The following MGLL variants were observed in gnomAD, a reference collection of about 807,000 sequenced individuals.
MGLL encodes monoglyceride lipase.
A neutral mutation model predicts 29.1 loss-of-function variants in MGLL; 7 were observed. That is an observed-to-expected ratio of 0.24 (90% CI 0.14 to 0.45). MGLL has a LOEUF of 0.45. Among genes scored for constraint, MGLL ranks in the 20% least tolerant of loss-of-function variants. MGLL has a pLI of 0.99. For missense variants in MGLL, 356 were observed against 413.6 expected, an observed-to-expected ratio of 0.86 and a Z score of 1.21; for synonymous variants, 148 against 168.3, an observed-to-expected ratio of 0.88 and a Z score of 0.93.
rs569736596 is a variant in MGLL, at chr3:127,757,243, A to C, written c.262+24546T>G. On this transcript the variant is annotated intron_variant, in intron 3 of 7. Coordinates refer to ENST00000265052, the MANE Select transcript of MGLL (RefSeq NM_007283.7). ...CCACACCCAGCCAAGCCCAGCCTAA[A>C]ACAGCTGACCTACAGACACAGGAGA... Among the ~76,000 whole-genome samples, 5 of 152,324 alleles carry C rather than the reference A, an allele frequency of 3.3e-5. No homozygotes were observed. In the South Asian group the frequency reaches 8.3e-4, roughly 25 times the overall value.
intron 7 of MGLL, among the ~76,000 whole-genome samples, chr3:127,693,469 C>T (rs549888311): frequency 1.3e-5 from 2 of 152,330 alleles, no homozygotes. Flanking sequence ...CCGCCACCAG[C>T]GTCCCTGACT....
chr3:127,698,498 C>T (rs1045065705), intron 6 of MGLL, among the ~76,000 whole-genome samples: 9 of 152,218 alleles, frequency 5.9e-5, no homozygotes, highest in Non-Finnish European at 7.3e-5. Context: ...AAATATTCCA[C>T]ACTGCATGAT....
At chr3:127,780,862 T>C (rs574724301) in intron 3 of MGLL, among the ~76,000 whole-genome samples, 6 of 152,230 alleles carry the variant, frequency 3.9e-5, no homozygotes, top group Non-Finnish European at 5.9e-5. Flanking sequence ...GAATTTTACA[T>C]TGAAGCTGTG....
Position 127,691,290 on chromosome 3 carries a change from A to C in MGLL, c.*908T>G, listed in dbSNP as rs1273833307. On this transcript the variant is annotated 3_prime_UTR_variant, in exon 8 of 8. Transcript: ENST00000265052. ...CCACCACTGCCGGCCCAACCTGTCC[A>C]GTTCTGTACAGTAGCATCAAGCTCT... 1 of 152,438 alleles carries C rather than the reference A, an allele frequency of 6.6e-6. No individual in the cohort carries two copies. Among genetic ancestry groups the C allele is most frequent in the Non-Finnish European group, 1.5e-5 (1 of 68,098 alleles). 9.4% of individuals were successfully genotyped at this position (152,438 alleles called of 1,614,324 possible).
intron 5 of MGLL, among the ~76,000 whole-genome samples, chr3:127,716,413 T>C (rs1338047594): frequency 6.6e-6 from 1 of 152,120 alleles, no homozygotes; most frequent in Non-Finnish European, 1.5e-5. Flanking sequence ...AATAAATAGG[T>C]GTTGGTTGAC....
At chr3:127,764,279 A>G (rs1373762839) in intron 3 of MGLL, among the ~76,000 whole-genome samples, 1 of 152,072 alleles carries the variant, frequency 6.6e-6, no homozygotes, top group African/African-American at 2.4e-5. Context: ...ACAAAGGGCA[A>G]CTCTGTCTCA....
chr3:127,822,827 C>A, upstream of MGLL: 1 of 167,916 alleles, frequency 6.0e-6, no homozygotes, highest in Non-Finnish European at 1.3e-5. Flanking sequence ...CGGGTGTCTG[C>A]ACCGGGGAAG....
At chr3:127,794,529 ACTGTCTTCTGTGATGTAAGG>A (rs879287482) in intron 2 of MGLL, among the ~76,000 whole-genome samples, 5,608 of 151,764 alleles carry the variant, frequency 0.037, 282 homozygotes, top group East Asian at 0.21. Flanking sequence ...ATGATGTAAG[ACTGTCTTCTGTGATGTAAGG>A]CTGTCTTCTG....
intron 5 of MGLL, 128 bp from the exon 6 acceptor site, chr3:127,710,793 C>T: frequency 1.2e-6 from 1 of 846,282 alleles, no homozygotes; most frequent in East Asian, 2.7e-5. Flanking sequence ...GTTCGTCTCC[C>T]AAGCCTGCGT....
chr3:127,712,395 T>C (rs998105748), intron 5 of MGLL: 1 of 152,296 alleles, frequency 6.6e-6, no homozygotes, highest in African/African-American at 2.4e-5. Context: ...AACCATCCAG[T>C]ATCAGGCAGA....
At chr3:127,735,207 G>C (rs914655077) in intron 3 of MGLL, among the ~76,000 whole-genome samples, 1 of 152,220 alleles carries the variant, frequency 6.6e-6, no homozygotes, top group Admixed American at 6.5e-5. Context: ...TACAACAGGA[G>C]GGAGAGAAAC....
intron 6 of MGLL, among the ~76,000 whole-genome samples, chr3:127,695,541 A>G (rs1389976360): frequency 1.3e-5 from 2 of 152,234 alleles, no homozygotes; most frequent in Non-Finnish European, 2.9e-5. Flanking sequence ...CCTGACCAAC[A>G]TGGTGAAACC....
chr3:127,754,514 C>T (rs550449302), intron 3 of MGLL, among the ~76,000 whole-genome samples: 6 of 152,336 alleles, frequency 3.9e-5, no homozygotes, highest in Non-Finnish European at 7.3e-5. Flanking sequence ...CTTGCAACGG[C>T]CCCGCTAGGC....
chr3:127,748,185 C>G (rs2076484488), intron 3 of MGLL, among the ~76,000 whole-genome samples: 1 of 152,164 alleles, frequency 6.6e-6, no homozygotes, highest in Non-Finnish European at 1.5e-5. Context: ...TAATATTTTT[C>G]CATAAAAGCA....
intron 3 of MGLL, among the ~76,000 whole-genome samples, chr3:127,766,698 A>G (rs1207707213): frequency 6.6e-6 from 1 of 152,234 alleles, no homozygotes; most frequent in Non-Finnish European, 1.5e-5. Flanking sequence ...AAACCACATG[A>G]CATAAATTTT....
chr3:127,820,833 CTG>C (rs1315889100), intron 2 of MGLL, among the ~76,000 whole-genome samples: 3 of 152,194 alleles, frequency 2.0e-5, no homozygotes, highest in Non-Finnish European at 4.4e-5. Context: ...GTCCATATCT[CTG>C]TGTTTTTAAC....
chr3:127,693,394 T>A (rs1184012933), intron 7 of MGLL, among the ~76,000 whole-genome samples: 2 of 152,204 alleles, frequency 1.3e-5, no homozygotes, highest in African/African-American at 4.8e-5. Context: ...GAAATGCTCA[T>A]GTGGCTTCTC....
At chr3:127,701,860 C>A (rs574108585) in intron 6 of MGLL, among the ~76,000 whole-genome samples, 1 of 152,296 alleles carries the variant, frequency 6.6e-6, no homozygotes, top group Admixed American at 6.5e-5. Context: ...AACCCTGTTC[C>A]TTCTCTTCAA....
chr3:127,817,699 CA>C (rs2077781362), intron 2 of MGLL, among the ~76,000 whole-genome samples: 1 of 152,220 alleles, frequency 6.6e-6, no homozygotes, highest in South Asian at 2.1e-4. Context: ...CATCATATTG[CA>C]CAATGTTTTC....
Sources: allele counts gnomAD v4.1 joint callset (sites outside exome capture counted in the v4.1 genomes callset), GRCh38; gene constraint gnomAD v4.1.1; transcripts MANE v1.5; gene names NCBI Gene and HGNC (gene_info 2026-07-23, HGNC 2026-07-21).